The following PTCD1 variants were observed in gnomAD, a reference collection of about 807,000 sequenced individuals.
PTCD1 encodes the protein pentatricopeptide repeat domain 1, also known as pentatricopeptide repeat-containing protein 1, mitochondrial.
A neutral mutation model predicts 53.4 loss-of-function variants in PTCD1; 50 were observed. The observed-to-expected ratio is 0.94, with a 90% confidence interval of 0.75 to 1.19. The LOEUF (loss-of-function observed/expected upper bound fraction) is 1.19, where lower values mean the gene tolerates loss of function less well. PTCD1 is among the 50% of genes most tolerant of loss of function. The pLI is 0.00. For missense variants in PTCD1, 918 were observed against 904.8 expected, an observed-to-expected ratio of 1.01 and a Z score of -0.19; for synonymous variants, 413 against 394.8, an observed-to-expected ratio of 1.05 and a Z score of -0.55.
In PTCD1 at chr7:99,422,998, TTC is replaced by T. The variant is rs920737402; in HGVS notation, c.1920+775_1920+776del. Reference sequence around the variant, plus strand: ...ACCTCTCTCTGCAAGGAGAGAGCTCTTCTCTTTTTTTTTTTTTCACCACCACA... The same window carrying T: ...ACCTCTCTCTGCAAGGAGAGAGCTCTTCTTTTTTTTTTTTTCACCACCACA... On this transcript the variant is annotated intron_variant, in intron 7 of 7. Transcript: ENST00000292478. Among the ~76,000 whole-genome samples, 38 of 150,710 alleles carry T rather than the reference TTC, an allele frequency of 2.5e-4. No individual in the cohort carries two copies. In the South Asian group the frequency reaches 5.7e-3, roughly 23 times the overall value.
intron 1 of PTCD1, among the ~76,000 whole-genome samples, chr7:99,436,484 G>A (rs1051979590): frequency 1.3e-5 from 2 of 152,108 alleles, no homozygotes; most frequent in Admixed American, 1.3e-4. Flanking sequence ...GCGTGACAGC[G>A]TGCCCCTGTA....
At chr7:99,436,155 C>A (rs1374092835) in intron 1 of PTCD1, among the ~76,000 whole-genome samples, 1 of 152,036 alleles carries the variant, frequency 6.6e-6, no homozygotes, top group East Asian at 1.9e-4. Flanking sequence ...TGTGCCCAGG[C>A]TGGTCTTGAA....
In PTCD1 at chr7:99,417,915, G is replaced by T; in HGVS notation, c.*2052C>A. The T allele has an allele frequency of 1.5e-6, 2 of 1,299,698 alleles. No individual in the cohort carries two copies. Among genetic ancestry groups the T allele is most frequent in the Non-Finnish European group, 2.0e-6 (2 of 1,013,772 alleles). The allele number at this position is 1,299,698 out of a possible 1,614,324, so 80.5% of individuals were successfully genotyped here. On this transcript the variant is annotated 3_prime_UTR_variant, in exon 8 of 8. Coordinates refer to ENST00000292478, the MANE Select transcript of PTCD1 (RefSeq NM_015545.4). Reference sequence around the variant, plus strand: ...GGGTGACATCAGGGAAGGACAACCAGTGAGTTCCTGTCCCTTTCAGTCCTC... The same window carrying T: ...GGGTGACATCAGGGAAGGACAACCATTGAGTTCCTGTCCCTTTCAGTCCTC...
Position 99,429,088 on chromosome 7 carries a change from G to A in PTCD1, c.915+15C>T. On this transcript the variant is annotated intron_variant, in intron 5 of 7. Coordinates refer to ENST00000292478, the MANE Select transcript of PTCD1 (RefSeq NM_015545.4). ...CGGGGAAGCAGGGCAGGAAGGTGGG[G>A]TGGGAGGGACATACCTGGAGGGCGT... The A allele has an allele frequency of 1.2e-6, 2 of 1,614,096 alleles. No individual in the cohort carries two copies. Among genetic ancestry groups the A allele is most frequent in the South Asian group, 2.2e-5 (2 of 91,080 alleles).
intron 5 of PTCD1, among the ~76,000 whole-genome samples, chr7:99,428,854 T>G (rs1474097437): frequency 1.5e-5 from 2 of 133,750 alleles, no homozygotes; most frequent in African/African-American, 2.9e-5. Context: ...TCAAGGAAGG[T>G]GAGTTTAGAG....
Position 99,429,816 on chromosome 7 carries a change from T to G in PTCD1, c.595-10A>C, listed in dbSNP as rs376349991. On this transcript the variant is annotated splice_polypyrimidine_tract_variant and intron_variant, in intron 3 of 7. Coordinates refer to ENST00000292478, the MANE Select transcript of PTCD1 (RefSeq NM_015545.4). ...GGTCCCGCTTTTTCATCTGTGGAGATGGAAGAAGCTCAGTGGTGGCCCGGG... is the reference window on the plus strand; with the variant it reads ...GGTCCCGCTTTTTCATCTGTGGAGAGGGAAGAAGCTCAGTGGTGGCCCGGG... 6 of 1,613,624 alleles carry G rather than the reference T, an allele frequency of 3.7e-6. No homozygotes were observed. The African/African-American group carries it at 8.0e-5, about 22-fold the overall frequency.
At position 99,418,852 on chromosome 7, in the gene PTCD1, A is replaced by G. The variant is rs1795658803; in HGVS notation, c.*1115T>C. On this transcript the variant is annotated 3_prime_UTR_variant, in exon 8 of 8. Coordinates refer to ENST00000292478, the MANE Select transcript of PTCD1 (RefSeq NM_015545.4). The stretch of plus-strand genomic sequence containing the variant: ...TGTTCTTCCAAAAAAAGAACTTGAA[A>G]AAGTAAAATAAACACAAGCCACTGT... The G allele has an allele frequency of 6.5e-6, 1 of 153,618 alleles. No homozygotes were observed. The highest frequency in any genetic ancestry group is 1.4e-5 in the Non-Finnish European group (1 of 69,038). 9.5% of individuals were successfully genotyped at this position (153,618 alleles called of 1,614,324 possible).
Position 99,419,339 on chromosome 7 carries a change from CA to C in PTCD1, c.*627del. ...GAGGGTTGCCACATATGTGAGTGTG[CA>C]GGGGCGAGCGTGGCGCAGTGGCATC... On this transcript the variant is annotated 3_prime_UTR_variant, in exon 8 of 8. Transcript: ENST00000292478. The C allele has an allele frequency of 6.2e-7, 1 of 1,602,106 alleles. No homozygotes were observed. Among genetic ancestry groups the C allele is most frequent in the Non-Finnish European group, 8.5e-7 (1 of 1,172,178 alleles).
rs142637299 is a variant in PTCD1, at chr7:99,422,261, C to A, written c.1920+1514G>T. ...TCAAAATGGCATTCAGGCGTGACAC[C>A]TGCACGGCGTTCCTGACCCCGCACC... On this transcript the variant is annotated intron_variant, in intron 7 of 7. Coordinates refer to ENST00000292478, the MANE Select transcript of PTCD1 (RefSeq NM_015545.4). Among the ~76,000 whole-genome samples, 427 of 152,326 alleles carry A rather than the reference C, an allele frequency of 2.8e-3. 1 individual carries two copies. Among genetic ancestry groups the A allele is most frequent in the African/African-American group, 1.0e-2 (415 of 41,562 alleles).
rs1309105946 is a variant in PTCD1, at chr7:99,419,218, A to G, written c.*749T>C. Reference sequence around the variant, plus strand: ...CTCGGTGTCAACAGCAGCTGGTTCTACCTTCATGAGGGAGCCAAATTTTCC... The same window carrying G: ...CTCGGTGTCAACAGCAGCTGGTTCTGCCTTCATGAGGGAGCCAAATTTTCC... On this transcript the variant is annotated 3_prime_UTR_variant, in exon 8 of 8. Transcript: ENST00000292478. The G allele has an allele frequency of 4.6e-6, 3 of 648,786 alleles. No homozygotes were observed. Among genetic ancestry groups the G allele is most frequent in the East Asian group, 2.7e-5 (1 of 36,824 alleles). The allele number at this position is 648,786 out of a possible 1,614,324, so 40.2% of individuals were successfully genotyped here.
chr7:99,431,751 G>A (rs1584464274), intron 3 of PTCD1, among the ~76,000 whole-genome samples: 2 of 152,124 alleles, frequency 1.3e-5, no homozygotes, highest in African/African-American at 4.8e-5. Flanking sequence ...CAAAAAAAAA[G>A]GACTGTAGGA....
chr7:99,419,587 T>C lies in PTCD1; in HGVS notation c.*380A>G. ...GGCTTCGCTGTCTATCAGCTGTGAT[T>C]TGTAAAAATAAAATCTTTAAATCTC... On this transcript the variant is annotated 3_prime_UTR_variant, in exon 8 of 8. Transcript: ENST00000292478. The C allele has an allele frequency of 1.1e-6, 1 of 937,714 alleles. No individual in the cohort carries two copies. The highest frequency in any genetic ancestry group is 1.6e-6 in the Non-Finnish European group (1 of 622,428). The allele number at this position is 937,714 out of a possible 1,614,324, so 58.1% of individuals were successfully genotyped here. A position where few individuals can be genotyped will look rare whatever the true frequency, so the allele number is the denominator to read the frequency against.
intron 7 of PTCD1, 91 bp from the exon 8 acceptor site, chr7:99,420,240 TG>T: frequency 6.3e-7 from 1 of 1,575,706 alleles, no homozygotes; most frequent in African/African-American, 1.3e-5. Flanking sequence ...GGGAAGCTGG[TG>T]GCTGCCATTT....
intron 1 of PTCD1, among the ~76,000 whole-genome samples, chr7:99,435,683 C>T (rs773311990): frequency 6.6e-6 from 1 of 150,800 alleles, no homozygotes; most frequent in South Asian, 2.1e-4. Flanking sequence ...AGGCCAGGGG[C>T]GGTGGCTCAT....
At position 99,423,973 on chromosome 7, in the gene PTCD1, A is replaced by G; in HGVS notation, c.1738-16T>C. 6.2e-7 allele frequency: 1 copy of G among 1,613,308 alleles called. No homozygotes were observed. Among genetic ancestry groups the G allele is most frequent in the Non-Finnish European group, 8.5e-7 (1 of 1,179,618 alleles). ...CCTGGGACTTCTAGAACACAGGGAC[A>G]TCGTAGAATCAAGATGATGGCAGCC... On this transcript the variant is annotated splice_polypyrimidine_tract_variant and intron_variant, in intron 6 of 7. Transcript: ENST00000292478.
In PTCD1 at chr7:99,419,334, G is replaced by A; in HGVS notation, c.*633C>T. 6.3e-7 allele frequency: 1 copy of A among 1,596,150 alleles called. No individual in the cohort carries two copies. Among genetic ancestry groups the A allele is most frequent in the African/African-American group, 1.3e-5 (1 of 74,716 alleles). On this transcript the variant is annotated 3_prime_UTR_variant, in exon 8 of 8. Transcript: ENST00000292478. ...CGTGGGAGGGTTGCCACATATGTGAGTGTGCAGGGGCGAGCGTGGCGCAGT... is the reference window on the plus strand; with the variant it reads ...CGTGGGAGGGTTGCCACATATGTGAATGTGCAGGGGCGAGCGTGGCGCAGT...
Position 99,425,371 on chromosome 7 carries a change from C to G in PTCD1, c.1161G>C (p.Gln387His). The change falls in exon 6 of 8, where the codon CAG (glutamine) becomes CAC (histidine). Residue 387 changes from glutamine (Q) to histidine (H), a missense_variant. Transcript: ENST00000292478. ...AMLHVEALER[Q>H]LFLEPSQALG... ...GTGCCTGAGAAGGTTCCAGAAACAGCTGCCTCTCCAGGGCCTCCACATGCA... is the reference window on the plus strand; with the variant it reads ...GTGCCTGAGAAGGTTCCAGAAACAGGTGCCTCTCCAGGGCCTCCACATGCA... The G allele has an allele frequency of 6.2e-7, 1 of 1,614,216 alleles. No homozygotes were observed.
chr7:99,420,002 C>T lies in PTCD1; in HGVS notation c.2068G>A (p.Glu690Lys). The T allele has an allele frequency of 6.2e-7, 1 of 1,614,236 alleles. No homozygotes were observed. The highest frequency in any genetic ancestry group is 8.5e-7 in the Non-Finnish European group (1 of 1,180,028). ...CCAAGGGCACATCCGTCATCAGCCT[C>T]CTTGCCGGTGTCCTGGTCCCCCTGG... The part of the protein sequence containing the change: ...KPQGDQDTGK[E>K]ADDGCALGGR The change falls in exon 8 of 8, where the codon GAG (glutamate) becomes AAG (lysine). Residue 690 changes from glutamate (E) to lysine (K), a missense_variant. Physicochemically the swap from Glu to Lys is moderately conservative, Grantham distance 56 (BLOSUM62 1). Transcript: ENST00000292478.
intron 5 of PTCD1, 49 bp from the exon 6 acceptor site, chr7:99,425,665 G>C (rs765965638): frequency 8.3e-6 from 13 of 1,565,966 alleles, no homozygotes; most frequent in South Asian, 8.1e-5. Flanking sequence ...TTCAGCAGCT[G>C]GGCGCAGGGC....
Sources: allele counts gnomAD v4.1 joint callset (sites outside exome capture counted in the v4.1 genomes callset), GRCh38; gene constraint gnomAD v4.1.1; transcripts MANE v1.5; gene names NCBI Gene and HGNC (gene_info 2026-07-23, HGNC 2026-07-21).